The following PDCD6 variants were observed in gnomAD, a reference collection of about 807,000 sequenced individuals.
PDCD6 encodes the protein programmed cell death protein 6.
PDCD6 carries 12 observed loss-of-function variants against 28.3 expected under a neutral mutation model. The ratio of observed to expected loss-of-function variants is 0.42; its 90% CI spans 0.27 to 0.69. PDCD6 has a LOEUF of 0.69. PDCD6 is among the 30% of genes least tolerant of loss of function. The pLI, the probability that PDCD6 is intolerant of heterozygous loss-of-function variation, is 0.22. For missense variants in PDCD6, 226 were observed against 269.9 expected, an observed-to-expected ratio of 0.84 and a Z score of 1.14; for synonymous variants, 92 against 108.0, an observed-to-expected ratio of 0.85 and a Z score of 0.92.
intron 2 of PDCD6, among the ~76,000 whole-genome samples, chr5:292,902 C>T (rs1311116405): frequency 2.6e-5 from 4 of 152,216 alleles, no homozygotes; most frequent in Non-Finnish European, 5.9e-5. Context: ...CACCTAGAGG[C>T]CCTTGGTTGA....
intron 2 of PDCD6, among the ~76,000 whole-genome samples, chr5:275,743 G>A (rs181249404): frequency 1.6e-4 from 24 of 152,296 alleles, no homozygotes; most frequent in African/African-American, 5.1e-4. Flanking sequence ...CATTGCTGTC[G>A]GTGCTCCCTT....
In PDCD6 at chr5:306,628, GGCGTGAACTTCA is replaced by G; in HGVS notation, c.239_250del (p.Val80_Ser83del). ...CATGTTTGACCGTGAGAACAAGGCC[GGCGTGAACTTCA>G]GCGAGTTCACGGGTGTGTGGAAGTA... On this transcript the variant is annotated inframe_deletion, in exon 4 of 6. Transcript: ENST00000264933. 1 of 1,613,790 alleles carries G rather than the reference GGCGTGAACTTCA, an allele frequency of 6.2e-7. No individual in the cohort carries two copies. Among genetic ancestry groups the G allele is most frequent in the Non-Finnish European group, 8.5e-7 (1 of 1,179,880 alleles).
intron 2 of PDCD6, among the ~76,000 whole-genome samples, chr5:296,882 G>A (rs6555142): frequency 0.25 from 36,031 of 146,512 alleles, 6,784 homozygotes; most frequent in African/African-American, 0.54. Context: ...ACCGGGATTC[G>A]TCTTTATGCC....
rs199554444 is a variant in PDCD6, at chr5:304,550, G to A, written c.208+329G>A. Reference sequence around the variant, plus strand: ...TATCTGGGTGTTTTTGATAGACATTGCTTATTTATTTTTGTGATTCCATTC... The same window carrying A: ...TATCTGGGTGTTTTTGATAGACATTACTTATTTATTTTTGTGATTCCATTC... On this transcript the variant is annotated intron_variant, in intron 3 of 5. Coordinates refer to ENST00000264933, the MANE Select transcript of PDCD6 (RefSeq NM_013232.4). The A allele has an allele frequency of 7.7e-4, 120 of 156,140 alleles. 1 individual carries two copies. In the East Asian group the frequency reaches 0.02, roughly 27 times the overall value. 9.7% of individuals were successfully genotyped at this position (156,140 alleles called of 1,614,324 possible).
chr5:302,402 TATGCCTCAGGTTCAG>T (rs1740142698), intron 2 of PDCD6, among the ~76,000 whole-genome samples: 1 of 97,896 alleles, frequency 1.0e-5, no homozygotes, highest in African/African-American at 7.3e-5. Context: ...GCTCTGTGTG[TATGCCTCAGGTTCAG>T]GTGCACCTGC....
rs1324846369 is a variant in PDCD6, at chr5:314,571, C to A, written c.*56C>A. On this transcript the variant is annotated 3_prime_UTR_variant, in exon 6 of 6. Coordinates refer to ENST00000264933, the MANE Select transcript of PDCD6 (RefSeq NM_013232.4). ...TGGAAAGAGCCAAAATGTCACAGTT[C>A]CTATCTGTGAGGGAATGGAGCACAG... 2.3e-5 allele frequency: 28 copies of A among 1,236,884 alleles called. No individual in the cohort carries two copies. The highest frequency in any genetic ancestry group is 3.0e-5 in the Non-Finnish European group (25 of 838,772). 76.6% of individuals were successfully genotyped at this position (1,236,884 alleles called of 1,614,324 possible). A position where few individuals can be genotyped will look rare whatever the true frequency, so the allele number is the denominator to read the frequency against.
intron 5 of PDCD6, among the ~76,000 whole-genome samples, chr5:313,199 C>T (rs1741038527): frequency 6.6e-6 from 1 of 152,258 alleles, no homozygotes; most frequent in Admixed American, 6.5e-5. Context: ...AAGAAAGCTG[C>T]AGACCTCAAG....
chr5:298,861 C>A (rs1398569959), intron 2 of PDCD6, among the ~76,000 whole-genome samples: 1 of 51,642 alleles, frequency 1.9e-5, no homozygotes, highest in Non-Finnish European at 3.9e-5. Flanking sequence ...CAGCTGCTCC[C>A]CCAGCTGCTC....
At chr5:310,312 C>T (rs948345462) in intron 4 of PDCD6, 7 of 155,240 alleles carry the variant, frequency 4.5e-5, no homozygotes, top group African/African-American at 1.7e-4. Context: ...GCCCTGACCA[C>T]TCTGGAAGGC....
chr5:296,730 G>T (rs973476295), intron 2 of PDCD6, among the ~76,000 whole-genome samples: 2 of 152,224 alleles, frequency 1.3e-5, no homozygotes, highest in African/African-American at 4.8e-5. Context: ...TGAGGAGGAC[G>T]CTCCCTTCGA....
At chr5:299,763 A>C (rs899585501) in intron 2 of PDCD6, among the ~76,000 whole-genome samples, 10 of 152,056 alleles carry the variant, frequency 6.6e-5, no homozygotes, top group South Asian at 2.1e-4. Flanking sequence ...ATTAGCCAGG[A>C]TGGTCTCGAT....
chr5:296,110 A>G (rs1235069386), intron 2 of PDCD6, among the ~76,000 whole-genome samples: 2 of 152,224 alleles, frequency 1.3e-5, no homozygotes, highest in Non-Finnish European at 2.9e-5. Context: ...AAGGAACTCA[A>G]ATAAGACAAA....
chr5:282,178 CG>C (rs1398591540), intron 2 of PDCD6, among the ~76,000 whole-genome samples: 1 of 147,052 alleles, frequency 6.8e-6, no homozygotes, highest in Non-Finnish European at 1.5e-5. Flanking sequence ...GCTGAAGACT[CG>C]GGGAGCAGCT....
chr5:291,345 CTCTG>C (rs1309690618), intron 2 of PDCD6, among the ~76,000 whole-genome samples: 7 of 152,206 alleles, frequency 4.6e-5, no homozygotes, highest in East Asian at 3.8e-4. Context: ...TGAGCATCTG[CTCTG>C]TCTATTTCTG....
rs1407999951 is a variant in PDCD6 at position 314,475 on chromosome 5, C to T, written c.536C>T (p.Ser179Leu). Residue 179 changes from serine to leucine, a missense_variant, in exon 6 of 6, where the codon TCG (serine) becomes TTG (leucine). This residue lies in a region of PDCD6 where 151 missense variants were observed against 177.2 expected (regional missense o/e 0.85). Coordinates refer to ENST00000264933, the MANE Select transcript of PDCD6 (RefSeq NM_013232.4). Reference sequence around the variant, plus strand: ...GATCAGGACGGCTGGATTCAGGTGTCGTACGAACAGTACCTGTCCATGGTC... The same window carrying T: ...GATCAGGACGGCTGGATTCAGGTGTTGTACGAACAGTACCTGTCCATGGTC... ...DTDQDGWIQV[S>L]YEQYLSMVFS... 2.5e-6 allele frequency: 4 copies of T among 1,613,756 alleles called. 1 individual carries two copies. The highest frequency in any genetic ancestry group is 1.1e-5 in the South Asian group (1 of 91,074).
chr5:298,096 T>A (rs1431730990), intron 2 of PDCD6, among the ~76,000 whole-genome samples: 3 of 152,060 alleles, frequency 2.0e-5, no homozygotes, highest in Admixed American at 2.0e-4. Flanking sequence ...AGGGAGTAAT[T>A]TCCAGGCACA....
At chr5:286,158 C>T (rs1025090429) in intron 2 of PDCD6, among the ~76,000 whole-genome samples, 9 of 136,404 alleles carry the variant, frequency 6.6e-5, no homozygotes, top group East Asian at 2.3e-4. Flanking sequence ...GTTGATGTTC[C>T]GTTTGAGGGC....
chr5:303,347 C>G (rs1226111391), intron 2 of PDCD6, among the ~76,000 whole-genome samples: 1 of 150,664 alleles, frequency 6.6e-6, no homozygotes, highest in Non-Finnish European at 1.5e-5. Flanking sequence ...ATGAGGAGAG[C>G]CACTGGTCTC....
chr5:289,021 C>G (rs1739160197), intron 2 of PDCD6: 1 of 1,261,106 alleles, frequency 7.9e-7, no homozygotes, highest in Admixed American at 1.7e-5. Flanking sequence ...AAATCTTTCT[C>G]AGCTTGAGAC....
Sources: allele counts gnomAD v4.1 joint callset (sites outside exome capture counted in the v4.1 genomes callset), GRCh38; gene constraint gnomAD v4.1.1; regional missense constraint gnomAD v4.1.1; transcripts MANE v1.5; gene names NCBI Gene and HGNC (gene_info 2026-07-23, HGNC 2026-07-21).